Variants in ANKRD31 observed in about 807,000 individuals in gnomAD.
ANKRD31 encodes the protein ankyrin repeat domain 31, also known as ankyrin repeat domain-containing protein 31.
ANKRD31 carries 147 observed loss-of-function variants against 186.0 expected under a neutral mutation model. The ratio of observed to expected loss-of-function variants is 0.79; its 90% CI spans 0.69 to 0.91. ANKRD31 has a LOEUF of 0.91. Among genes scored for constraint, ANKRD31 ranks in the 40% least tolerant of loss-of-function variants. The pLI is 0.00. For synonymous variants in ANKRD31, 673 were observed against 736.4 expected, an observed-to-expected ratio of 0.91 and a Z score of 1.39; for missense variants, 1,986 against 2,148.8, an observed-to-expected ratio of 0.92 and a Z score of 1.50.
intron 14 of ANKRD31, among the ~76,000 whole-genome samples, chr5:75,145,365 A>T (rs999637395): frequency 6.6e-6 from 1 of 151,990 alleles, no homozygotes; most frequent in Non-Finnish European, 1.5e-5. Context: ...TAGACTGGAT[A>T]AAAAAAAGTG....
At chr5:75,089,633 T>C (rs1745777834) in intron 23 of ANKRD31, among the ~76,000 whole-genome samples, 1 of 152,376 alleles carries the variant, frequency 6.6e-6, no homozygotes, top group Non-Finnish European at 1.5e-5. Flanking sequence ...GTTTCTCAGC[T>C]TGGGGTATTT....
intron 25 of ANKRD31, among the ~76,000 whole-genome samples, chr5:75,076,732 G>A (rs1230011179): frequency 6.6e-6 from 1 of 152,140 alleles, no homozygotes; most frequent in Non-Finnish European, 1.5e-5. Context: ...TCATCCTGAT[G>A]CTATCTAGGG....
rs117057534 is a variant in ANKRD31, at chr5:75,124,944, G to A, written c.3877-6647C>T. 2.4e-3 allele frequency among the ~76,000 whole-genome samples: 366 copies of A among 152,098 alleles called. 8 individuals are homozygous for A. In the East Asian group the frequency reaches 0.061, roughly 25 times the overall value. On this transcript the variant is annotated intron_variant, in intron 17 of 25. Coordinates refer to ENST00000506364, the MANE Select transcript of ANKRD31 (RefSeq NM_001372053.1). The stretch of plus-strand genomic sequence containing the variant: ...CTCAATATATCCATTTAACAAAACT[G>A]CATTTGTACCCTTTAAATTTATACA...
chr5:75,211,785 C>T (rs1756666771), intron 3 of ANKRD31, among the ~76,000 whole-genome samples: 1 of 151,856 alleles, frequency 6.6e-6, no homozygotes, highest in Non-Finnish European at 1.5e-5. Context: ...ATTTTTATAT[C>T]TTCTTTGGTG....
At chr5:75,081,114 G>T (rs540708055) in intron 24 of ANKRD31, among the ~76,000 whole-genome samples, 48 of 152,192 alleles carry the variant, frequency 3.2e-4, no homozygotes, top group Non-Finnish European at 6.3e-4. Flanking sequence ...AGCTACAGAA[G>T]AATTCTAATT....
chr5:75,171,706 C>A (rs891885315), intron 10 of ANKRD31, among the ~76,000 whole-genome samples: 1 of 150,360 alleles, frequency 6.7e-6, no homozygotes, highest in African/African-American at 2.4e-5. Flanking sequence ...TAAAAAAAAA[C>A]CACAACTTAC....
chr5:75,088,004 A>G (rs1203711320), intron 23 of ANKRD31, among the ~76,000 whole-genome samples: 1 of 152,202 alleles, frequency 6.6e-6, no homozygotes, highest in Non-Finnish European at 1.5e-5. Context: ...TTTGTATTTT[A>G]AAAGAGATCA....
intron 23 of ANKRD31, among the ~76,000 whole-genome samples, chr5:75,089,998 A>AG (rs909924251): frequency 6.6e-6 from 1 of 152,228 alleles, no homozygotes; most frequent in Non-Finnish European, 1.5e-5. Context: ...GGCACACTGC[A>AG]GCACAGGCAT....
chr5:75,144,478 T>C (rs1342185367), intron 14 of ANKRD31, among the ~76,000 whole-genome samples: 3 of 151,790 alleles, frequency 2.0e-5, no homozygotes, highest in Non-Finnish European at 4.4e-5. Flanking sequence ...ATACTGTTTA[T>C]TCAATCAATG....
At chr5:75,203,673 A>AAGAAAAG (rs1554092027) in intron 5 of ANKRD31, among the ~76,000 whole-genome samples, 4 of 148,240 alleles carry the variant, frequency 2.7e-5, no homozygotes, top group African/African-American at 1.0e-4. Flanking sequence ...AAAAAAAAAA[A>AAGAAAAG]AAAAGAAAAG....
rs565039595 is a variant in ANKRD31 at position 75,210,846 on chromosome 5, C to T, written c.308G>A (p.Arg103Gln). 132 of 1,511,928 alleles carry T rather than the reference C, an allele frequency of 8.7e-5. 1 individual carries two copies. In the South Asian group the frequency reaches 1.3e-3, roughly 15 times the overall value. 93.7% of individuals were successfully genotyped at this position (1,511,928 alleles called of 1,614,324 possible). ...TILQSQDETE[R>Q]NQALLQTRKN... is the part of the protein sequence containing the mutation. ...TACTTACTGTAACAGAGCTTGATTT[C>T]GTTCTGTTTCATCTTGAGACTGCTA... is the stretch of plus-strand genomic sequence containing the variant. Residue 103 changes from arginine to glutamine, a missense_variant, in exon 4 of 26, where the codon CGA becomes CAA. Arg to Gln is a conservative substitution (Grantham distance 43). Transcript: ENST00000506364.
intron 15 of ANKRD31, among the ~76,000 whole-genome samples, chr5:75,141,388 T>C (rs1432814628): frequency 6.6e-6 from 1 of 151,880 alleles, no homozygotes; most frequent in Non-Finnish European, 1.5e-5. Flanking sequence ...GAGAATATAT[T>C]TGAAAATTAT....
At chr5:75,131,951 G>A (rs1749881201) in intron 17 of ANKRD31, among the ~76,000 whole-genome samples, 1 of 152,210 alleles carries the variant, frequency 6.6e-6, no homozygotes, top group African/African-American at 2.4e-5. Context: ...TGAGGGTCCT[G>A]ACTGTTAGAA....
chr5:75,128,233 G>C (rs1322046391), intron 17 of ANKRD31, among the ~76,000 whole-genome samples: 1 of 147,866 alleles, frequency 6.8e-6, no homozygotes, highest in African/African-American at 2.5e-5. Context: ...ACAGGGAGGG[G>C]AACATCACAC....
chr5:75,127,122 T>G (rs1280531221), intron 17 of ANKRD31, among the ~76,000 whole-genome samples: 2 of 151,230 alleles, frequency 1.3e-5, no homozygotes, highest in Admixed American at 6.6e-5. Flanking sequence ...GAGGTAGAGG[T>G]TGCAGGAAGC....
intron 3 of ANKRD31, among the ~76,000 whole-genome samples, chr5:75,221,084 A>G (rs1425035575): frequency 3.3e-5 from 5 of 152,196 alleles, no homozygotes; most frequent in Non-Finnish European, 7.3e-5. Context: ...AGAAAACCAA[A>G]TAACGCATGT....
chr5:75,226,494 A>C (rs1489102451), intron 2 of ANKRD31, among the ~76,000 whole-genome samples: 3 of 152,214 alleles, frequency 2.0e-5, no homozygotes, highest in African/African-American at 7.2e-5. Context: ...AGAATGGTAG[A>C]AAGTATTTGC....
intron 25 of ANKRD31, among the ~76,000 whole-genome samples, chr5:75,078,085 T>C (rs959222568): frequency 1.3e-5 from 2 of 152,120 alleles, no homozygotes; most frequent in Non-Finnish European, 2.9e-5. Context: ...ATCTACCTTA[T>C]GAGTTAGGTT....
intron 11 of ANKRD31, among the ~76,000 whole-genome samples, chr5:75,157,441 A>G (rs916165506): frequency 6.6e-6 from 1 of 152,192 alleles, no homozygotes; most frequent in African/African-American, 2.4e-5. Context: ...TTGAAGAAAG[A>G]ACTGTTAGGC....
Sources: gnomAD v4.1 joint callset for allele counts (sites outside exome capture counted in the v4.1 genomes callset) on GRCh38, gnomAD v4.1.1 for gene constraint, MANE v1.5 for transcripts, NCBI Gene and HGNC (gene_info 2026-07-23, HGNC 2026-07-21) for gene names.